Variants in PABPC4L observed in about 807,000 individuals in gnomAD.
The protein encoded by PABPC4L is polyadenylate-binding protein 4-like.
For missense variants in PABPC4L, 452 were observed against 451.4 expected (o/e 1.00, Z -0.01); for synonymous variants, 169 against 164.1 (o/e 1.03, Z -0.23).
the PABPC4L span, among the ~76,000 whole-genome samples, chr4:134,012,209 T>C: frequency 5.9e-5 from 9 of 152,102 alleles, no homozygotes; most frequent in Non-Finnish European, 1.0e-4. Flanking sequence ...TTGCATTCAA[T>C]GGTGTCAGGC....
the PABPC4L span, among the ~76,000 whole-genome samples, chr4:134,030,364 A>T: frequency 2.0e-5 from 3 of 152,092 alleles, no homozygotes; most frequent in African/African-American, 7.2e-5. Flanking sequence ...TAAAAGCTTC[A>T]AAGTTTTAAT....
Position 134,196,338 on chromosome 4 carries a change from C to T in PABPC4L, c.*3569G>A, listed in dbSNP as rs1280718787. 6.6e-6 allele frequency: 1 copy of T among 151,372 alleles called. No homozygotes were observed. Among genetic ancestry groups the T allele is most frequent in the Non-Finnish European group, 1.5e-5 (1 of 67,566 alleles). 9.4% of individuals were successfully genotyped at this position (151,372 alleles called of 1,614,324 possible). A position where few individuals can be genotyped will look rare whatever the true frequency, so the allele number is the denominator to read the frequency against. On this transcript the variant is annotated 3_prime_UTR_variant, in exon 2 of 2. Coordinates refer to ENST00000421491, the MANE Select transcript of PABPC4L (RefSeq NM_001114734.2). ...AAAATCATTTTCAAACATGCTTTCA[C>T]CTTTGAAATATTAGATTTTATTTGA...
At chr4:134,064,608 C>A in the PABPC4L span, among the ~76,000 whole-genome samples, 3 of 151,980 alleles carry the variant, frequency 2.0e-5, no homozygotes, top group East Asian at 1.9e-4. Flanking sequence ...ATTATTCTAA[C>A]TTTTATTTAG....
chr4:134,118,148 G>A, the PABPC4L span, among the ~76,000 whole-genome samples: 1 of 151,794 alleles, frequency 6.6e-6, no homozygotes, highest in Non-Finnish European at 1.5e-5. Flanking sequence ...CCCTGACTCA[G>A]TAGTGTCCTA....
chr4:133,959,146 T>A, the PABPC4L span, among the ~76,000 whole-genome samples: 1 of 137,924 alleles, frequency 7.3e-6, no homozygotes, highest in Admixed American at 7.3e-5. Context: ...ATTTGTTCAT[T>A]CATTCAGCAA....
At chr4:134,093,867 C>T in the PABPC4L span, among the ~76,000 whole-genome samples, 2 of 151,240 alleles carry the variant, frequency 1.3e-5, no homozygotes, top group African/African-American at 4.8e-5. Context: ...AGAAGCAGTT[C>T]CCAGCCTATA....
chr4:134,043,927 TG>T, the PABPC4L span, among the ~76,000 whole-genome samples: 11 of 151,996 alleles, frequency 7.2e-5, no homozygotes, highest in Non-Finnish European at 1.0e-4. Context: ...TGTGTGTGTG[TG>T]TCGACGGATG....
chr4:134,070,349 G>A, the PABPC4L span, among the ~76,000 whole-genome samples: 3 of 152,114 alleles, frequency 2.0e-5, no homozygotes, highest in African/African-American at 7.2e-5. Flanking sequence ...CGGCTGTGGT[G>A]AGGTAGCAGT....
At chr4:134,171,066 T>G in the PABPC4L span, among the ~76,000 whole-genome samples, 4 of 152,152 alleles carry the variant, frequency 2.6e-5, no homozygotes, top group Admixed American at 1.3e-4. Flanking sequence ...GGTTTGGAAT[T>G]CCATTTGCAT....
the PABPC4L span, among the ~76,000 whole-genome samples, chr4:134,011,471 C>G: frequency 2.0e-5 from 3 of 152,028 alleles, no homozygotes; most frequent in Non-Finnish European, 4.4e-5. Context: ...GGTAACAAAT[C>G]ATTTTTAGAG....
chr4:134,182,151 T>C, the PABPC4L span, among the ~76,000 whole-genome samples: 1 of 151,358 alleles, frequency 6.6e-6, no homozygotes, highest in Non-Finnish European at 1.5e-5. Flanking sequence ...AAAAGAGCCT[T>C]AATAAAAGCC....
chr4:134,110,735 T>C, the PABPC4L span, among the ~76,000 whole-genome samples: 3 of 151,844 alleles, frequency 2.0e-5, no homozygotes, highest in Non-Finnish European at 4.4e-5. Context: ...CTGTATATGT[T>C]AAATCATCTC....
At chr4:134,185,547 A>T in the PABPC4L span, among the ~76,000 whole-genome samples, 1 of 152,174 alleles carries the variant, frequency 6.6e-6, no homozygotes, top group Non-Finnish European at 1.5e-5. Flanking sequence ...CAAAATAATA[A>T]GAGCTATTTA....
the PABPC4L span, among the ~76,000 whole-genome samples, chr4:134,003,166 C>A: frequency 6.6e-6 from 1 of 151,934 alleles, no homozygotes; most frequent in Non-Finnish European, 1.5e-5. Flanking sequence ...TAATGAGGCT[C>A]AGCAAAGTCT....
chr4:134,036,409 T>A, the PABPC4L span, among the ~76,000 whole-genome samples: 2 of 152,130 alleles, frequency 1.3e-5, no homozygotes, highest in South Asian at 2.1e-4. Flanking sequence ...AACATATTCA[T>A]AGCACTGGAT....
chr4:134,176,839 C>T, the PABPC4L span, among the ~76,000 whole-genome samples: 1 of 152,094 alleles, frequency 6.6e-6, no homozygotes, highest in African/African-American at 2.4e-5. Context: ...AGAGAATCCC[C>T]CTGGCGCCCC....
chr4:134,090,536 G>C, the PABPC4L span, among the ~76,000 whole-genome samples: 1 of 152,000 alleles, frequency 6.6e-6, no homozygotes, highest in Non-Finnish European at 1.5e-5. Context: ...AGAAAGCTGC[G>C]ATAGGATGAC....
chr4:134,178,933 T>G, the PABPC4L span, among the ~76,000 whole-genome samples: 1 of 152,162 alleles, frequency 6.6e-6, no homozygotes, highest in African/African-American at 2.4e-5. Context: ...CTGGCATCCC[T>G]GAGAGAGAGG....
At chr4:134,032,720 G>T in the PABPC4L span, among the ~76,000 whole-genome samples, 1 of 151,734 alleles carries the variant, frequency 6.6e-6, no homozygotes, top group African/African-American at 2.4e-5. Context: ...GTTACAGAAT[G>T]AATAAAGAAC....
Sources: gnomAD v4.1 joint callset for allele counts (sites outside exome capture counted in the v4.1 genomes callset) on GRCh38, gnomAD v4.1.1 for gene constraint, MANE v1.5 for transcripts, NCBI Gene and HGNC (gene_info 2026-07-23, HGNC 2026-07-21) for gene names.